SH3BP4: variants seen among roughly 807,000 people sequenced by gnomAD.
The protein encoded by SH3BP4 is SH3 domain binding protein 4.
In SH3BP4, 33 loss-of-function variants were observed where a neutral mutation model predicts 65.5. That is an observed-to-expected ratio of 0.50 (90% confidence interval 0.38 to 0.67). SH3BP4 has a LOEUF of 0.67. Among genes scored for constraint, SH3BP4 ranks in the 30% least tolerant of loss-of-function variants. The probability of loss-of-function intolerance (pLI) is 0.00; values close to 1 mark genes in which losing one functional copy is unlikely to be tolerated. For missense variants in SH3BP4, 1,134 were observed against 1,261.4 expected, an observed-to-expected ratio of 0.90 and a Z score of 1.53; for synonymous variants, 552 against 545.5, an observed-to-expected ratio of 1.01 and a Z score of -0.17.
chr2:234,980,547 C>G (rs1379844695), intron 1 of SH3BP4, among the ~76,000 whole-genome samples: 1 of 152,164 alleles, frequency 6.6e-6, no homozygotes, highest in Non-Finnish European at 1.5e-5. Flanking sequence ...TGTTTACAGC[C>G]TTTGCTATCA....
chr2:235,007,232 C>T (rs1437792651), intron 2 of SH3BP4, among the ~76,000 whole-genome samples: 2 of 152,038 alleles, frequency 1.3e-5, no homozygotes, highest in Non-Finnish European at 2.9e-5. Flanking sequence ...GGGAGCTGGT[C>T]AGAGATGTCA....
chr2:235,015,882 G>A (rs1186393716), intron 2 of SH3BP4, among the ~76,000 whole-genome samples: 1 of 152,098 alleles, frequency 6.6e-6, no homozygotes, highest in Non-Finnish European at 1.5e-5. Flanking sequence ...ACAGCCATGG[G>A]CGCCTTGCTA....
chr2:235,035,732 G>A lies in SH3BP4; in HGVS notation c.118+612G>A, dbSNP rs1331725155. Among the ~76,000 whole-genome samples, 1 of 152,200 alleles carries A rather than the reference G, an allele frequency of 6.6e-6. No individual in the cohort carries two copies. Among genetic ancestry groups the A allele is most frequent in the African/African-American group, 2.4e-5 (1 of 41,434 alleles). ...TGGTTCTAAAGTTTAATAACCCTGG[G>A]TCTCTGGGTTTCTCCAGTGGCCTCG... On this transcript the variant is annotated intron_variant, in intron 3 of 5. Transcript: ENST00000392011. This position sits in a 1 kb window ranked among gnomAD's most constrained non-coding sequence, Gnocchi z 5.0.
Position 234,977,595 on chromosome 2 carries a change from C to T in SH3BP4, c.-206-17708C>T, listed in dbSNP as rs1327798153. Among the ~76,000 whole-genome samples the T allele has an allele frequency of 6.6e-6, 1 of 152,132 alleles. No homozygotes were observed. The highest frequency in any genetic ancestry group is 1.5e-5 in the Non-Finnish European group (1 of 68,026). On this transcript the variant is annotated intron_variant, in intron 1 of 5. Coordinates refer to ENST00000392011, the MANE Select transcript of SH3BP4 (RefSeq NM_014521.3). This position sits in a 1 kb window ranked among gnomAD's most constrained non-coding sequence, Gnocchi z 5.1. ...GTTGGACCTGTGGCCGTGGTGCCAGCCCCCACTAATCCCATTAGCGACTTA... is the reference window on the plus strand; with the variant it reads ...GTTGGACCTGTGGCCGTGGTGCCAGTCCCCACTAATCCCATTAGCGACTTA...
At chr2:235,038,319 T>A (rs1460923738) in intron 3 of SH3BP4, among the ~76,000 whole-genome samples, 1 of 10,034 alleles carries the variant, frequency 1.0e-4, no homozygotes, top group African/African-American at 7.2e-4. Context: ...ATATTATATA[T>A]TATATATATA....
chr2:234,953,946 G>A (rs1368835755), intron 1 of SH3BP4, among the ~76,000 whole-genome samples: 1 of 151,742 alleles, frequency 6.6e-6, no homozygotes, highest in African/African-American at 2.4e-5. Flanking sequence ...TTAAAGTAAG[G>A]GGGCAGTGAT....
At chr2:235,050,642 G>T (rs1054939671) in intron 4 of SH3BP4, among the ~76,000 whole-genome samples, 5 of 151,782 alleles carry the variant, frequency 3.3e-5, no homozygotes, top group Non-Finnish European at 5.9e-5. Flanking sequence ...GCCACAAGTC[G>T]CCAAAAAGGT....
chr2:235,018,751 A>G (rs1398807165), intron 2 of SH3BP4, among the ~76,000 whole-genome samples: 1 of 152,158 alleles, frequency 6.6e-6, no homozygotes, highest in Non-Finnish European at 1.5e-5. Flanking sequence ...TGACTGAGTC[A>G]TACCTGGTGT....
chr2:235,000,378 C>T (rs571310239), intron 2 of SH3BP4, among the ~76,000 whole-genome samples: 108 of 152,296 alleles, frequency 7.1e-4, no homozygotes, highest in South Asian at 8.3e-4. Context: ...CTGTGCCTGA[C>T]GTTTCATTCA....
intron 1 of SH3BP4, among the ~76,000 whole-genome samples, chr2:234,994,211 G>C (rs958870289): frequency 4.6e-5 from 7 of 152,184 alleles, no homozygotes; most frequent in Non-Finnish European, 8.8e-5. Context: ...GAAGCCCTGA[G>C]AGGGGGGATC....
intron 2 of SH3BP4, among the ~76,000 whole-genome samples, chr2:235,018,179 T>C (rs755834426): frequency 2.6e-5 from 4 of 152,158 alleles, no homozygotes; most frequent in Non-Finnish European, 5.9e-5. Context: ...ATGAGGTGAT[T>C]GTTTCCATGT....
intron 3 of SH3BP4, among the ~76,000 whole-genome samples, chr2:235,038,257 A>T (rs1213459205): frequency 6.8e-5 from 3 of 43,988 alleles, no homozygotes; most frequent in Admixed American, 4.1e-4. Context: ...TATTATATAT[A>T]ATATATATTA....
intron 2 of SH3BP4, among the ~76,000 whole-genome samples, chr2:235,000,263 A>G (rs1158896394): frequency 6.6e-6 from 1 of 152,152 alleles, no homozygotes; most frequent in African/African-American, 2.4e-5. Flanking sequence ...CAAGTCCTGT[A>G]GCCTCTCTGG....
intron 1 of SH3BP4, among the ~76,000 whole-genome samples, chr2:234,960,275 C>A (rs1385390189): frequency 6.6e-6 from 1 of 151,310 alleles, no homozygotes; most frequent in Non-Finnish European, 1.5e-5. Context: ...GTTTCCTTAC[C>A]CCTGTCCCAA....
chr2:235,008,090 C>T lies in SH3BP4; in HGVS notation c.-133+12714C>T, dbSNP rs555421485. ...AGGAAAGCTGCCCTGGGACTTGGCCCTCTGTGTGGCCTTCCTCTCCAGACT... is the reference window on the plus strand; with the variant it reads ...AGGAAAGCTGCCCTGGGACTTGGCCTTCTGTGTGGCCTTCCTCTCCAGACT... On this transcript the variant is annotated intron_variant, in intron 2 of 5. Coordinates refer to ENST00000392011, the MANE Select transcript of SH3BP4 (RefSeq NM_014521.3). Among the ~76,000 whole-genome samples the T allele has an allele frequency of 7.1e-4, 108 of 152,312 alleles. 2 individuals carry two copies. In the South Asian group the frequency reaches 0.022, roughly 30 times the overall value.
Position 235,052,831 on chromosome 2 carries a change from G to A in SH3BP4, c.2667+81G>A. 1 of 1,347,170 alleles carries A rather than the reference G, an allele frequency of 7.4e-7. No individual in the cohort carries two copies. The highest frequency in any genetic ancestry group is 1.4e-5 in the South Asian group (1 of 70,272). The allele number at this position is 1,347,170 out of a possible 1,614,324, so 83.5% of individuals were successfully genotyped here. On this transcript the variant is annotated intron_variant, in intron 5 of 5. Coordinates refer to ENST00000392011, the MANE Select transcript of SH3BP4 (RefSeq NM_014521.3). The surrounding 1 kb of genome is among the most constrained non-coding windows in gnomAD (Gnocchi z 5.0). ...GACCCATGCAGTGCAGCCATAAAAA[G>A]TCTTGCCTCGCGGCATTTCTGTGAG...
chr2:235,053,558 C>A (rs370645830), intron 5 of SH3BP4, 34 bp from the exon 6 acceptor site: 1 of 1,520,948 alleles, frequency 6.6e-7, no homozygotes, highest in East Asian at 2.3e-5. Flanking sequence ...CTTCCTCTCT[C>A]CCTCCTTTTG....
rs1695157619 is a variant in SH3BP4 at position 235,030,701 on chromosome 2, A to G, written c.-132-4170A>G. ...GGAAAGAGGACAGAGCTGACATCCC[A>G]GTGAGGAGCACACAGGGCAGCCCTG... is the stretch of plus-strand genomic sequence containing the variant. On this transcript the variant is annotated intron_variant, in intron 2 of 5. Coordinates refer to ENST00000392011, the MANE Select transcript of SH3BP4 (RefSeq NM_014521.3). The surrounding 1 kb of genome is among the most constrained non-coding windows in gnomAD (Gnocchi z 4.1). 6.6e-6 allele frequency among the ~76,000 whole-genome samples: 1 copy of G among 152,114 alleles called. No homozygotes were observed. The highest frequency in any genetic ancestry group is 6.6e-5 in the Admixed American group (1 of 15,264).
chr2:234,969,048 G>A (rs981351967), intron 1 of SH3BP4, among the ~76,000 whole-genome samples: 1 of 152,258 alleles, frequency 6.6e-6, no homozygotes, highest in South Asian at 2.1e-4. Context: ...GGTTCCAGGC[G>A]ACTTTGCTGT....
Sources: allele counts gnomAD v4.1 joint callset (sites outside exome capture counted in the v4.1 genomes callset), GRCh38; gene constraint gnomAD v4.1.1; non-coding constraint Gnocchi (gnomAD v3.1); transcripts MANE v1.5; gene names NCBI Gene and HGNC (gene_info 2026-07-23, HGNC 2026-07-21).